Variants in PARG observed in about 807,000 individuals in gnomAD.
PARG encodes poly(ADP-ribose) glycohydrolase, also known as mitochondrial poly(ADP-ribose) glycohydrolase.
Under a neutral mutation model 113.0 loss-of-function variants are expected in PARG, and 35 were observed. The ratio of observed to expected loss-of-function variants is 0.31; its 90% CI spans 0.24 to 0.41. The LOEUF (loss-of-function observed/expected upper bound fraction) is 0.41. Ranked by LOEUF, PARG falls within the 10% of genes least tolerant of loss-of-function variation. PARG has a pLI of 1.00. For synonymous variants in PARG, 330 were observed against 409.9 expected (o/e 0.81, Z 2.36); for missense variants, 797 against 1,169.4 (o/e 0.68, Z 4.64).
chr10:49,886,706 G>T lies in PARG; in HGVS notation c.1738-1411C>A, dbSNP rs1382705909. Among the ~76,000 whole-genome samples, 6 of 152,262 alleles carry T rather than the reference G, an allele frequency of 3.9e-5. No homozygotes were observed. The East Asian group carries it at 9.7e-4, about 24-fold the overall frequency. On this transcript the variant is annotated intron_variant, in intron 7 of 17. Transcript: ENST00000616448. ...CTACTGATGTAATTGAAATGAGTAT[G>T]AAAACTATAGTGAGAAAATGCGGAG...
intron 1 of PARG, among the ~76,000 whole-genome samples, chr10:49,936,190 A>G (rs1437422384): frequency 6.6e-6 from 1 of 152,186 alleles, no homozygotes; most frequent in African/African-American, 2.4e-5. Flanking sequence ...TTACTGGCCA[A>G]GAACATAAAC....
In PARG at chr10:49,832,524, C is replaced by T. The variant is rs797027108; in HGVS notation, c.2647+279G>A. Among the ~76,000 whole-genome samples the T allele has an allele frequency of 3.3e-5, 5 of 152,272 alleles. 1 individual carries two copies. Among genetic ancestry groups the T allele is most frequent in the East Asian group, 1.9e-4 (1 of 5,178 alleles). On this transcript the variant is annotated intron_variant, in intron 16 of 17. Coordinates refer to ENST00000616448, the MANE Select transcript of PARG (RefSeq NM_003631.5). ...AAGTGAAAACTCAGGTTTGAAACTT[C>T]GCAGTCATTATATGCTCTTCTCCTC... is the stretch of plus-strand genomic sequence containing the variant.
intron 4 of PARG, among the ~76,000 whole-genome samples, chr10:49,924,642 C>T (rs1293096033): frequency 5.3e-5 from 8 of 150,874 alleles, no homozygotes; most frequent in African/African-American, 7.3e-5. Context: ...GGACATGCTT[C>T]ATTATACCTT....
intron 15 of PARG, among the ~76,000 whole-genome samples, chr10:49,835,094 G>A (rs968667151): frequency 1.3e-5 from 2 of 152,050 alleles, no homozygotes; most frequent in South Asian, 2.1e-4. Flanking sequence ...TGAATCAGGG[G>A]ACCTTTCCTT....
chr10:49,891,590 C>CAT (rs1211471476), intron 7 of PARG, among the ~76,000 whole-genome samples: 101 of 48,580 alleles, frequency 2.1e-3, no homozygotes, highest in Middle Eastern at 0.021. Flanking sequence ...TCCTATGGTC[C>CAT]ATATATATAT....
At chr10:49,885,682 C>T (rs1554840336) in intron 7 of PARG, among the ~76,000 whole-genome samples, 1 of 152,036 alleles carries the variant, frequency 6.6e-6, no homozygotes, top group African/African-American at 2.4e-5. Context: ...CTGAGAAGCC[C>T]CCAAGGACCC....
rs3048417 is a variant in PARG, at chr10:49,858,331, T to TCACACACACACA, written c.2206-890_2206-879dup. The stretch of plus-strand genomic sequence containing the variant: ...TAGTGAGACTATCTGAGGAGTTAGA[T>TCACACACACACA]CACACACACACACACACACACACAC... On this transcript the variant is annotated intron_variant, in intron 12 of 17. Coordinates refer to ENST00000616448, the MANE Select transcript of PARG (RefSeq NM_003631.5). 1.8e-3 allele frequency among the ~76,000 whole-genome samples: 254 copies of TCACACACACACA among 145,138 alleles called. 1 individual carries two copies. Among genetic ancestry groups the TCACACACACACA allele is most frequent in the East Asian group, 3.4e-3 (17 of 5,058 alleles).
rs1362103226 is a variant in PARG at position 49,890,269 on chromosome 10, T to C, written c.1738-4974A>G. 1.6e-4 allele frequency among the ~76,000 whole-genome samples: 24 copies of C among 152,284 alleles called. No individual in the cohort carries two copies. The South Asian group carries it at 1.7e-3, about 11-fold the overall frequency. On this transcript the variant is annotated intron_variant, in intron 7 of 17. Transcript: ENST00000616448. ...GTGTTTTGATCTGTGCGTGTGCGCG[T>C]GTGTGTGTAGCAACTTTTTATTCTA... is the stretch of plus-strand genomic sequence containing the variant.
chr10:49,838,402 G>A (rs1845054884), intron 15 of PARG, among the ~76,000 whole-genome samples: 1 of 130,562 alleles, frequency 7.7e-6, no homozygotes, highest in African/African-American at 3.0e-5. Context: ...TTGCACTCCA[G>A]CCTGGGCACC....
Position 49,933,211 on chromosome 10 carries a change from G to A in PARG, c.1237C>T (p.His413Tyr). The A allele has an allele frequency of 1.3e-6, 2 of 1,586,318 alleles. No homozygotes were observed. The highest frequency in any genetic ancestry group is 1.7e-6 in the Non-Finnish European group (2 of 1,162,896). The change falls in exon 3 of 18, where the codon CAT (histidine) becomes TAT (tyrosine). Residue 413 changes from histidine (H) to tyrosine (Y), a missense_variant. Physicochemically the swap from His to Tyr is moderately conservative, Grantham distance 83. Coordinates refer to ENST00000616448, the MANE Select transcript of PARG (RefSeq NM_003631.5). ...HGKKDSKITD[H>Y]FMRLPKAEDR... ...TCTGCTTTGGGCAGTCTCATGAAAT[G>A]ATCTGTGATTTTAGAATCCTTTTTT...
intron 16 of PARG, among the ~76,000 whole-genome samples, chr10:49,827,287 A>G (rs1348539284): frequency 1.3e-5 from 2 of 152,254 alleles, no homozygotes; most frequent in African/African-American, 4.8e-5. Flanking sequence ...TTCATTGAGC[A>G]TATTTTATTT....
intron 8 of PARG, among the ~76,000 whole-genome samples, chr10:49,882,136 T>C (rs1847245902): frequency 6.6e-6 from 1 of 150,870 alleles, no homozygotes; most frequent in African/African-American, 2.5e-5. Flanking sequence ...ATAGAGTTAA[T>C]GATTTCTCCT....
At chr10:49,866,314 C>A (rs1372256608) in intron 10 of PARG, among the ~76,000 whole-genome samples, 4 of 151,480 alleles carry the variant, frequency 2.6e-5, no homozygotes, top group African/African-American at 9.7e-5. Flanking sequence ...AGTGTATAAC[C>A]CAGTGAAAGC....
intron 15 of PARG, among the ~76,000 whole-genome samples, chr10:49,838,851 A>G (rs781961771): frequency 1.3e-5 from 2 of 152,246 alleles, no homozygotes; most frequent in Non-Finnish European, 2.9e-5. Context: ...TACATTAAAA[A>G]TTAACCCATC....
chr10:49,930,150 A>C (rs1168386618), intron 4 of PARG, among the ~76,000 whole-genome samples: 2 of 152,146 alleles, frequency 1.3e-5, no homozygotes, highest in African/African-American at 4.8e-5. Context: ...CTTGGCAAAA[A>C]CAGCTGGTTC....
intron 7 of PARG, among the ~76,000 whole-genome samples, chr10:49,915,648 C>T (rs574213731): frequency 2.2e-3 from 328 of 152,014 alleles, no homozygotes; most frequent in African/African-American, 7.6e-3. Flanking sequence ...CCATTATATT[C>T]TCAAAATCTA....
In PARG at chr10:49,842,042, G is replaced by A. The variant is rs782266908; in HGVS notation, c.2449C>T (p.Arg817Cys). 4.8e-5 allele frequency: 75 copies of A among 1,549,028 alleles called. No homozygotes were observed. Among genetic ancestry groups the A allele is most frequent in the South Asian group, 3.8e-4 (32 of 84,020 alleles). The stretch of plus-strand genomic sequence containing the variant: ...TCGATGGCAACGATCTCAGTGCAGC[G>A]CCGCTGCCAGTCGTCCCTGGGACAG... ...DGSERDDWQR[R>C]CTEIVAIDAL... The change falls in exon 15 of 18, where the codon CGC becomes TGC. Residue 817 changes from arginine to cysteine, a missense_variant. Around this residue, in one of 5 missense-constraint regions of PARG, gnomAD observed 194 missense variants for 247.1 expected, o/e 0.79. Coordinates refer to ENST00000616448, the MANE Select transcript of PARG (RefSeq NM_003631.5).
chr10:49,847,311 G>A (rs1280853205), intron 13 of PARG, among the ~76,000 whole-genome samples: 1 of 152,082 alleles, frequency 6.6e-6, no homozygotes, highest in South Asian at 2.1e-4. Context: ...ATTAATTACA[G>A]AATGAAAAAG....
At chr10:49,904,810 G>T (rs1231260141) in intron 7 of PARG, among the ~76,000 whole-genome samples, 1 of 152,130 alleles carries the variant, frequency 6.6e-6, no homozygotes, top group African/African-American at 2.4e-5. Flanking sequence ...CAGCTACTCA[G>T]GAGGCTGAGG....
Sources: gnomAD v4.1 joint callset for allele counts (sites outside exome capture counted in the v4.1 genomes callset) on GRCh38, gnomAD v4.1.1 for gene constraint, gnomAD v4.1.1 regional missense constraint, MANE v1.5 for transcripts, NCBI Gene and HGNC (gene_info 2026-07-23, HGNC 2026-07-21) for gene names.